Variants in STPG1 observed in about 807,000 individuals in gnomAD.
STPG1 encodes the protein O(6)-methylguanine-induced apoptosis 2.
Under a neutral mutation model 40.1 loss-of-function variants are expected in STPG1, and 33 were observed. The observed-to-expected ratio is 0.82, with a 90% CI of 0.62 to 1.10. The LOEUF is 1.10. Ranked by LOEUF, STPG1 falls within the 50% of genes least tolerant of loss-of-function variation. The pLI, the probability that STPG1 is intolerant of heterozygous loss-of-function variation, is 0.00. For missense variants in STPG1, 396 were observed against 415.1 expected, an observed-to-expected ratio of 0.95 and a Z score of 0.40; for synonymous variants, 150 against 155.0, an observed-to-expected ratio of 0.97 and a Z score of 0.24.
intron 2 of STPG1, 199 bp from the exon 3 acceptor site, chr1:24,391,878 C>T: frequency 7.6e-7 from 1 of 1,312,312 alleles, no homozygotes; most frequent in Non-Finnish European, 9.7e-7. Context: ...TATCGGACTT[C>T]CCCCCTCCAG....
intron 1 of STPG1, among the ~76,000 whole-genome samples, chr1:24,409,055 GTCT>G (rs1643515735): frequency 6.6e-6 from 1 of 152,070 alleles, no homozygotes; most frequent in South Asian, 2.1e-4. Flanking sequence ...GCTTAACAAG[GTCT>G]TTTAGTATCT....
At chr1:24,398,707 C>T (rs1643102914) in intron 2 of STPG1, among the ~76,000 whole-genome samples, 1 of 151,850 alleles carries the variant, frequency 6.6e-6, no homozygotes, top group African/African-American at 2.4e-5. Flanking sequence ...ACAGCAGCAA[C>T]AAACAATTTA....
chr1:24,358,412 C>T lies in STPG1; in HGVS notation c.*131G>A. On this transcript the variant is annotated 3_prime_UTR_variant, in exon 9 of 9. Coordinates refer to ENST00000337248, the MANE Select transcript of STPG1 (RefSeq NM_001199013.2). ...CAGCAGTCCGGCTAGGATGCCAGGC[C>T]AGAGTGGTAGAGCCACCCCCCAAGT... 1.2e-6 allele frequency: 1 copy of T among 804,236 alleles called. No individual in the cohort carries two copies. The highest frequency in any genetic ancestry group is 1.4e-5 in the South Asian group (1 of 72,772). 49.8% of individuals were successfully genotyped at this position (804,236 alleles called of 1,614,324 possible).
chr1:24,368,790 G>A (rs551832843), intron 7 of STPG1: 1 of 152,446 alleles, frequency 6.6e-6, no homozygotes, highest in East Asian at 1.9e-4. Flanking sequence ...CCACAATCTG[G>A]GCCTCACAGG....
At position 24,377,947 on chromosome 1, in the gene STPG1, G is replaced by A. The variant is rs140449790; in HGVS notation, c.462+1706C>T. Among the ~76,000 whole-genome samples, 654 of 152,216 alleles carry A rather than the reference G, an allele frequency of 4.3e-3. 5 individuals carry two copies. Among genetic ancestry groups the A allele is most frequent in the African/African-American group, 0.015 (606 of 41,520 alleles). On this transcript the variant is annotated intron_variant, in intron 5 of 8. Coordinates refer to ENST00000337248, the MANE Select transcript of STPG1 (RefSeq NM_001199013.2). ...TAATCCACTTTATGGATTCACTTGTGAGTATTAAATATGATTAATACATAA... is the reference window on the plus strand; with the variant it reads ...TAATCCACTTTATGGATTCACTTGTAAGTATTAAATATGATTAATACATAA...
At chr1:24,407,449 T>C (rs1443775281) in intron 1 of STPG1, among the ~76,000 whole-genome samples, 1 of 151,376 alleles carries the variant, frequency 6.6e-6, no homozygotes, top group Non-Finnish European at 1.5e-5. Flanking sequence ...ACTGATTTTT[T>C]TTTTTTTTTT....
At chr1:24,401,482 T>C in intron 1 of STPG1, 26 bp from the exon 2 acceptor site, 8 of 1,018,048 alleles carry the variant, frequency 7.9e-6, no homozygotes, top group Non-Finnish European at 9.2e-6. Context: ...ACAGCATTTG[T>C]AGAGATCATT....
At chr1:24,384,132 G>A (rs1011986666) in intron 3 of STPG1, 129 bp from the exon 4 acceptor site, 1 of 610,670 alleles carries the variant, frequency 1.6e-6, no homozygotes, top group Non-Finnish European at 3.0e-6. Flanking sequence ...CACTTGGTGG[G>A]TGACAGCCTA....
At chr1:24,367,057 C>T (rs554721155) in intron 7 of STPG1, among the ~76,000 whole-genome samples, 25 of 152,310 alleles carry the variant, frequency 1.6e-4, no homozygotes, top group African/African-American at 5.3e-4. Context: ...CACGCAGTCC[C>T]GCTGCACTGC....
At position 24,359,414 on chromosome 1, in the gene STPG1, A is replaced by T. The variant is rs184210925; in HGVS notation, c.929-795T>A. On this transcript the variant is annotated intron_variant, in intron 8 of 8. Transcript: ENST00000337248. The surrounding 1 kb of genome is among the most constrained non-coding windows in gnomAD (Gnocchi z 5.3). ...TCTCTGGAGCTCACCCCTTGTATGG[A>T]GCATTTGCATGTTTGCAATGCTGAG... 6.6e-6 allele frequency among the ~76,000 whole-genome samples: 1 copy of T among 152,180 alleles called. No homozygotes were observed. The highest frequency in any genetic ancestry group is 2.4e-5 in the African/African-American group (1 of 41,442).
Position 24,379,678 on chromosome 1 carries a change from T to C in STPG1, c.437A>G (p.Glu146Gly). 6.2e-7 allele frequency: 1 copy of C among 1,614,208 alleles called. No homozygotes were observed. Among genetic ancestry groups the C allele is most frequent in the Middle Eastern group, 1.6e-4 (1 of 6,062 alleles). The change falls in exon 5 of 9, where the codon GAA (glutamate) becomes GGA (glycine). Residue 146 changes from glutamate (E) to glycine (G), a missense_variant. Glu to Gly is a moderately conservative substitution (Grantham distance 98). Coordinates refer to ENST00000337248, the MANE Select transcript of STPG1 (RefSeq NM_001199013.2). Reference sequence around the variant, plus strand: ...ATTGTAATAGTTTGGTGCAGGAGTTTCAAACTTGAGAGCTTTCATAAAGCT... The same window carrying C: ...ATTGTAATAGTTTGGTGCAGGAGTTCCAAACTTGAGAGCTTTCATAAAGCT... ...LPSFMKALKF[E>G]TPAPNYYNAS...
chr1:24,366,691 T>C (rs1346264647), intron 7 of STPG1, among the ~76,000 whole-genome samples: 1 of 152,200 alleles, frequency 6.6e-6, no homozygotes, highest in Admixed American at 6.5e-5. Context: ...GAGTCCATGG[T>C]GAGCAAACCT....
At chr1:24,407,545 A>G (rs957465864) in intron 1 of STPG1, among the ~76,000 whole-genome samples, 2 of 151,618 alleles carry the variant, frequency 1.3e-5, no homozygotes, top group Non-Finnish European at 2.9e-5. Flanking sequence ...GCTTCAAGCA[A>G]TTCTCTGTGT....
chr1:24,376,743 C>T lies in STPG1; in HGVS notation c.462+2910G>A, dbSNP rs189365727. ...CCGGGAGGCTGCAGAGAGGGGCATC[C>T]GCACAGACAGTCGGTGCCTGTGTTT... is the stretch of plus-strand genomic sequence containing the variant. On this transcript the variant is annotated intron_variant, in intron 5 of 8. Transcript: ENST00000337248. Among the ~76,000 whole-genome samples the T allele has an allele frequency of 2.9e-3, 443 of 152,290 alleles. 2 individuals are homozygous for T. The highest frequency in any genetic ancestry group is 5.3e-3 in the Admixed American group (81 of 15,300).
At position 24,357,322 on chromosome 1, in the gene STPG1, G is replaced by A. The variant is rs967569070; in HGVS notation, c.*1221C>T. On this transcript the variant is annotated 3_prime_UTR_variant, in exon 9 of 9. Transcript: ENST00000337248. ...GCTGTAGGTGCTCCAGGTGCTCTGCGTGTACAAAGTTCCCACCTCCTGAAC... is the reference window on the plus strand; with the variant it reads ...GCTGTAGGTGCTCCAGGTGCTCTGCATGTACAAAGTTCCCACCTCCTGAAC... 2 of 152,236 alleles carry A rather than the reference G, an allele frequency of 1.3e-5. No individual in the cohort carries two copies. The highest frequency in any genetic ancestry group is 6.5e-5 in the Admixed American group (1 of 15,286). 9.4% of individuals were successfully genotyped at this position (152,236 alleles called of 1,614,324 possible).
Position 24,401,444 on chromosome 1 carries a change from T to C in STPG1, c.-56A>G. 1 of 1,496,186 alleles carries C rather than the reference T, an allele frequency of 6.7e-7. No individual in the cohort carries two copies. Among genetic ancestry groups the C allele is most frequent in the South Asian group, 1.1e-5 (1 of 87,612 alleles). 92.7% of individuals were successfully genotyped at this position (1,496,186 alleles called of 1,614,324 possible). A position where few individuals can be genotyped will look rare whatever the true frequency, so the allele number is the denominator to read the frequency against. ...GTTTGATGAAAAGTTCTACTGCATG[T>C]TCTCCTAAGCACCTGAAACAGCAAA... On this transcript the variant is annotated 5_prime_UTR_variant, in exon 2 of 9. Transcript: ENST00000337248.
At chr1:24,381,179 G>A (rs6667695) in intron 4 of STPG1, among the ~76,000 whole-genome samples, 60,340 of 151,972 alleles carry the variant, frequency 0.4, 12,306 homozygotes, top group African/African-American at 0.48. Context: ...CATTCTAAAG[G>A]GGAAAGGGTT....
At chr1:24,368,542 G>C (rs1432518684) in intron 7 of STPG1, among the ~76,000 whole-genome samples, 1 of 152,164 alleles carries the variant, frequency 6.6e-6, no homozygotes, top group Non-Finnish European at 1.5e-5. Flanking sequence ...AGAACCATTC[G>C]AGAAATAAAT....
intron 7 of STPG1, among the ~76,000 whole-genome samples, chr1:24,363,058 G>C (rs1174869944): frequency 6.6e-6 from 1 of 152,160 alleles, no homozygotes; most frequent in Non-Finnish European, 1.5e-5. Context: ...GGAAATTACA[G>C]CTGGAACAAA....
Sources: gnomAD v4.1 joint callset for allele counts (sites outside exome capture counted in the v4.1 genomes callset) on GRCh38, gnomAD v4.1.1 for gene constraint, Gnocchi (gnomAD v3.1) non-coding constraint, MANE v1.5 for transcripts, NCBI Gene and HGNC (gene_info 2026-07-23, HGNC 2026-07-21) for gene names.